Variants in TCF3 observed in about 807,000 individuals in gnomAD.
The protein encoded by TCF3 is transcription factor E2-alpha.
TCF3 carries 54 observed loss-of-function variants against 72.3 expected under a neutral mutation model. The observed-to-expected ratio is 0.75, with a 90% CI of 0.60 to 0.94. TCF3 has a LOEUF of 0.94. TCF3 is among the 40% of genes least tolerant of loss of function. TCF3 has a pLI of 0.00. For missense variants in TCF3, 1,078 were observed against 934.4 expected, an observed-to-expected ratio of 1.15 and a Z score of -2.00; for synonymous variants, 525 against 412.6, an observed-to-expected ratio of 1.27 and a Z score of -3.30.
rs374610424 is a variant in TCF3, at chr19:1,632,323, G to A, written c.219+9C>T. 3.2e-6 allele frequency: 5 copies of A among 1,579,492 alleles called. No individual in the cohort carries two copies. The highest frequency in any genetic ancestry group is 4.3e-6 in the Non-Finnish European group (5 of 1,162,614). On this transcript the variant is annotated intron_variant, in intron 4 of 18. Transcript: ENST00000262965. ...AACTCAGGGTCTCAGGCCTCACGGG[G>A]ACTCCTACCCGGCTGGGGTCAAAGG...
rs552387714 is a variant in TCF3 at position 1,627,527 on chromosome 19, C to T, written c.299-101G>A. On this transcript the variant is annotated intron_variant, in intron 5 of 18. Transcript: ENST00000262965. ...GCCTACAATAGGCTCTCAGTAAGTG[C>T]ACACGACTGAGAGCGCCACGGCAGG... is the stretch of plus-strand genomic sequence containing the variant. 33 of 1,059,664 alleles carry T rather than the reference C, an allele frequency of 3.1e-5. No individual in the cohort carries two copies. The African/African-American group carries it at 4.8e-4, about 16-fold the overall frequency. 65.6% of individuals were successfully genotyped at this position (1,059,664 alleles called of 1,614,324 possible). A position where few individuals can be genotyped will look rare whatever the true frequency, so the allele number is the denominator to read the frequency against.
intron 18 of TCF3, among the ~76,000 whole-genome samples, chr19:1,612,832 C>G (rs555653071): frequency 2.3e-4 from 34 of 150,326 alleles, no homozygotes; most frequent in African/African-American, 8.1e-4. Context: ...GTGTCAGGCA[C>G]TGCAGTGCAG....
intron 13 of TCF3, 61 bp from the exon 14 acceptor site, chr19:1,619,914 C>T (rs1253254973): frequency 7.2e-7 from 1 of 1,395,018 alleles, no homozygotes; most frequent in East Asian, 2.5e-5. Flanking sequence ...TGGCCTGATG[C>T]CCATGGGGAG....
intron 3 of TCF3, among the ~76,000 whole-genome samples, chr19:1,642,466 C>T (rs2065477419): frequency 6.6e-6 from 1 of 152,188 alleles, no homozygotes; most frequent in South Asian, 2.1e-4. Flanking sequence ...AACACTCTGC[C>T]ACTTCCTGTG....
At chr19:1,650,404 G>C in intron 1 of TCF3, 117 bp from the exon 2 acceptor site, 1 of 736,646 alleles carries the variant, frequency 1.4e-6, no homozygotes, top group South Asian at 1.9e-5. Flanking sequence ...CCGCCCTGGG[G>C]TCTGAGTTCC....
intron 2 of TCF3, among the ~76,000 whole-genome samples, chr19:1,648,600 A>T (rs550910539): frequency 6.6e-6 from 1 of 152,368 alleles, no homozygotes; most frequent in African/African-American, 2.4e-5. Flanking sequence ...AGCAAAAATA[A>T]AACGGGGCTT....
At chr19:1,642,220 ACG>A (rs925232480) in intron 3 of TCF3, among the ~76,000 whole-genome samples, 9 of 151,608 alleles carry the variant, frequency 5.9e-5, no homozygotes, top group East Asian at 3.9e-4. Context: ...ACACGCGCAG[ACG>A]CACAGACACG....
chr19:1,646,563 G>A (rs1178358699), intron 2 of TCF3, 136 bp from the exon 3 acceptor site: 25 of 733,650 alleles, frequency 3.4e-5, no homozygotes, highest in African/African-American at 1.2e-4. Flanking sequence ...GGCCCGGCCC[G>A]TCCTGCTCCG....
chr19:1,632,501 CG>C, intron 3 of TCF3, 96 bp from the exon 4 acceptor site: 11 of 1,346,214 alleles, frequency 8.2e-6, no homozygotes, highest in Admixed American at 2.1e-5. Context: ...TCAGTGGACC[CG>C]GGGGGCTTGT....
At chr19:1,644,110 AGAG>A (rs1208818802) in intron 3 of TCF3, among the ~76,000 whole-genome samples, 1 of 152,174 alleles carries the variant, frequency 6.6e-6, no homozygotes, top group Non-Finnish European at 1.5e-5. Flanking sequence ...GGGTCCTCGG[AGAG>A]GAGAAGCAGG....
chr19:1,627,071 C>T (rs1405155660), intron 6 of TCF3, among the ~76,000 whole-genome samples: 1 of 152,180 alleles, frequency 6.6e-6, no homozygotes, highest in African/African-American at 2.4e-5. Flanking sequence ...CTGCAAAGCC[C>T]TGCTGCATGG....
chr19:1,642,199 C>G (rs1274524900), intron 3 of TCF3, among the ~76,000 whole-genome samples: 1 of 115,660 alleles, frequency 8.6e-6, no homozygotes, highest in African/African-American at 2.9e-5. Context: ...GACACAGACG[C>G]AGACACGCAC....
chr19:1,641,688 T>A (rs937550001), intron 3 of TCF3, among the ~76,000 whole-genome samples: 2 of 151,952 alleles, frequency 1.3e-5, no homozygotes, highest in Non-Finnish European at 2.9e-5. Context: ...CCTGGCCTCA[T>A]GTGATCCACA....
intron 18 of TCF3, chr19:1,612,487 G>A (rs2061105970): frequency 6.7e-7 from 1 of 1,489,478 alleles, no homozygotes; most frequent in South Asian, 1.2e-5. Flanking sequence ...TGGGTGGGAG[G>A]GCAGGGCTGG....
intron 14 of TCF3, 30 bp downstream of exon 14, chr19:1,619,750 A>AGGGTGGGTG (rs1555726056): frequency 2.2e-6 from 2 of 923,246 alleles, no homozygotes; most frequent in African/African-American, 4.2e-5. Context: ...CTGTCGGGGA[A>AGGGTGGGTG]GGGTGGGGTG....
intron 3 of TCF3, 51 bp downstream of exon 3, chr19:1,646,304 G>A (rs1471686421): frequency 6.5e-7 from 1 of 1,528,522 alleles, no homozygotes; most frequent in African/African-American, 1.4e-5. Flanking sequence ...GTCTTCAACA[G>A]ACCCTTGATC....
intron 16 of TCF3, among the ~76,000 whole-genome samples, chr19:1,616,759 C>T (rs1305603892): frequency 6.6e-6 from 1 of 152,000 alleles, no homozygotes; most frequent in Non-Finnish European, 1.5e-5. Context: ...CAGGGTGAGA[C>T]CCTGTCTCAA....
At chr19:1,651,339 G>A (rs2067010133) in intron 1 of TCF3, 3 of 228,346 alleles carry the variant, frequency 1.3e-5, no homozygotes, top group South Asian at 1.8e-4. Flanking sequence ...TTCAGAAGCA[G>A]AGAAATCCCC....
At chr19:1,639,945 G>A (rs2065005304) in intron 3 of TCF3, among the ~76,000 whole-genome samples, 1 of 152,024 alleles carries the variant, frequency 6.6e-6, no homozygotes, top group East Asian at 1.9e-4. Context: ...AAGAAATGCC[G>A]ATAAAGAGGA....
Sources: gnomAD v4.1 joint callset for allele counts (sites outside exome capture counted in the v4.1 genomes callset) on GRCh38, gnomAD v4.1.1 for gene constraint, MANE v1.5 for transcripts, NCBI Gene and HGNC (gene_info 2026-07-23, HGNC 2026-07-21) for gene names.